ABCA10: variants seen among roughly 807,000 people sequenced by gnomAD.
The protein encoded by ABCA10 is ATP binding cassette subfamily A member 10.
Under a neutral mutation model 187.5 loss-of-function variants are expected in ABCA10, and 169 were observed. The observed-to-expected ratio is 0.90, with a 90% CI of 0.80 to 1.02. The LOEUF (loss-of-function observed/expected upper bound fraction) is 1.02. Among genes scored for constraint, ABCA10 ranks in the 50% least tolerant of loss-of-function variants. ABCA10 has a pLI of 0.00. For synonymous variants in ABCA10, 574 were observed against 601.8 expected, an observed-to-expected ratio of 0.95 and a Z score of 0.68; for missense variants, 1,727 against 1,812.4, an observed-to-expected ratio of 0.95 and a Z score of 0.86.
At chr17:69,159,274 A>G (rs1450571233) in intron 27 of ABCA10, among the ~76,000 whole-genome samples, 1 of 152,098 alleles carries the variant, frequency 6.6e-6, no homozygotes, top group Admixed American at 6.6e-5. Context: ...ACAGAAAGAA[A>G]AATGATGAGC....
intron 27 of ABCA10, among the ~76,000 whole-genome samples, chr17:69,159,277 T>A (rs2074197339): frequency 6.6e-6 from 1 of 151,534 alleles, no homozygotes. Flanking sequence ...GAAAGAAAAA[T>A]GATGAGCAAT....
intron 34 of ABCA10, 103 bp from the exon 35 acceptor site, chr17:69,152,584 G>T: frequency 6.8e-7 from 1 of 1,463,082 alleles, no homozygotes; most frequent in African/African-American, 1.4e-5. Flanking sequence ...ATGTTAGGAT[G>T]CAAGAAACCT....
At chr17:69,160,852 G>A (rs1260626896) in intron 27 of ABCA10, among the ~76,000 whole-genome samples, 1 of 152,024 alleles carries the variant, frequency 6.6e-6, no homozygotes, top group East Asian at 1.9e-4. Flanking sequence ...ACAGTATGGA[G>A]GTTCCTCAAA....
At chr17:69,232,937 T>C (rs1321679079), upstream of ABCA10, 9 of 152,218 alleles carry the variant, frequency 5.9e-5, no homozygotes, top group African/African-American at 2.4e-5. Context: ...GTCAGGTGTA[T>C]TGGAGTTTCC....
chr17:69,207,501 CAATGGATA>C (rs1464627227), intron 9 of ABCA10, among the ~76,000 whole-genome samples: 1 of 151,658 alleles, frequency 6.6e-6, no homozygotes, highest in African/African-American at 2.4e-5. Flanking sequence ...CAGTGTCCAT[CAATGGATA>C]AATGGATAAA....
intron 32 of ABCA10, 129 bp from the exon 33 acceptor site, chr17:69,153,675 C>T: frequency 7.0e-7 from 1 of 1,438,338 alleles, no homozygotes; most frequent in Middle Eastern, 2.5e-4. Context: ...TTCATAAATG[C>T]TAAATCTTAT....
chr17:69,181,788 T>C (rs572605800), intron 22 of ABCA10, among the ~76,000 whole-genome samples: 3 of 152,028 alleles, frequency 2.0e-5, no homozygotes, highest in African/African-American at 7.2e-5. Flanking sequence ...ATGGGTGAGA[T>C]TTTTGTCTAT....
chr17:69,197,328 C>G (rs1178541456), intron 10 of ABCA10, among the ~76,000 whole-genome samples: 1 of 151,146 alleles, frequency 6.6e-6, no homozygotes, highest in African/African-American at 2.4e-5. Flanking sequence ...CTTGGCATTT[C>G]ATATATTCCA....
Position 69,219,790 on chromosome 17 carries a change from A to C in ABCA10, c.304-19T>G. ...TTGTGACCTAAATTGGGACATTAGC[A>C]AATTTATTATGTGAACTATAGACAA... On this transcript the variant is annotated intron_variant, in intron 5 of 38. Coordinates refer to ENST00000690296, the MANE Select transcript of ABCA10 (RefSeq NM_001377321.1). 1 of 1,490,302 alleles carries C rather than the reference A, an allele frequency of 6.7e-7. No individual in the cohort carries two copies. Among genetic ancestry groups the C allele is most frequent in the Non-Finnish European group, 9.1e-7 (1 of 1,103,978 alleles). 92.3% of individuals were successfully genotyped at this position (1,490,302 alleles called of 1,614,324 possible). A position where few individuals can be genotyped will look rare whatever the true frequency, so the allele number is the denominator to read the frequency against.
At chr17:69,192,196 T>C (rs2074465205) in intron 16 of ABCA10, among the ~76,000 whole-genome samples, 1 of 152,128 alleles carries the variant, frequency 6.6e-6, no homozygotes, top group Admixed American at 6.5e-5. Context: ...TGGTGGCGCA[T>C]GCCTGTAATC....
intron 27 of ABCA10, 71 bp from the exon 28 acceptor site, chr17:69,156,994 A>AT (rs35926489): frequency 1.1e-5 from 10 of 931,902 alleles, no homozygotes; most frequent in Admixed American, 3.7e-5. Context: ...ATATTTGTCC[A>AT]TTTTTTTGTC....
chr17:69,212,235 C>A (rs753106203), intron 9 of ABCA10, among the ~76,000 whole-genome samples: 1 of 151,982 alleles, frequency 6.6e-6, no homozygotes, highest in Non-Finnish European at 1.5e-5. Context: ...CATTGTTGAC[C>A]GAACAATCAT....
rs923799118 is a variant in ABCA10 at position 69,228,627 on chromosome 17, G to C, written c.-359C>G. ...GTATTTGAAGCACTTGGATCCACTG[G>C]TCTCTTTTTGTCCAAGAAAACAATG... On this transcript the variant is annotated 5_prime_UTR_variant, in exon 1 of 39. Transcript: ENST00000690296. 6.6e-6 allele frequency: 1 copy of C among 151,890 alleles called. No individual in the cohort carries two copies. The highest frequency in any genetic ancestry group is 1.5e-5 in the Non-Finnish European group (1 of 67,896). The allele number at this position is 151,890 out of a possible 1,614,324, so 9.4% of individuals were successfully genotyped here.
At position 69,184,211 on chromosome 17, in the gene ABCA10, A is replaced by G. The variant is rs77989310; in HGVS notation, c.2497+1266T>C. On this transcript the variant is annotated intron_variant, in intron 20 of 38. Coordinates refer to ENST00000690296, the MANE Select transcript of ABCA10 (RefSeq NM_001377321.1). The stretch of plus-strand genomic sequence containing the variant: ...TGCAAGCCCTGTCCAAGTACAGTCT[A>G]AGCTCAGACGTGCCTAACCCTGCCC... 5.1e-3 allele frequency among the ~76,000 whole-genome samples: 769 copies of G among 152,216 alleles called. 23 individuals carry two copies. In the East Asian group the frequency reaches 0.091, roughly 18 times the overall value.
intron 25 of ABCA10, among the ~76,000 whole-genome samples, chr17:69,168,910 G>C (rs2074274582): frequency 6.6e-6 from 1 of 152,178 alleles, no homozygotes; most frequent in African/African-American, 2.4e-5. Context: ...CCAGCCACAT[G>C]GAACTGTGAG....
At position 69,175,578 on chromosome 17, in the gene ABCA10, T is replaced by C. The variant is rs551270006; in HGVS notation, c.2770-65A>G. 1,183 of 1,264,290 alleles carry C rather than the reference T, an allele frequency of 9.4e-4. 1 individual carries two copies. Among genetic ancestry groups the C allele is most frequent in the Non-Finnish European group, 1.1e-3 (1,049 of 916,636 alleles). 78.3% of individuals were successfully genotyped at this position (1,264,290 alleles called of 1,614,324 possible). A position where few individuals can be genotyped will look rare whatever the true frequency, so the allele number is the denominator to read the frequency against. ...TACAAATTATACAAACATTATAAGA[T>C]ACGTTTCCAGGAAATAAAGAAAAAC... On this transcript the variant is annotated intron_variant, in intron 22 of 38. Transcript: ENST00000690296.
rs747568314 is a variant in ABCA10, at chr17:69,154,243, C to G, written c.3778G>C (p.Ala1260Pro). The change falls in exon 31 of 39, where the codon GCA (alanine) becomes CCA (proline). Residue 1260 changes from alanine to proline, a missense_variant. Ala to Pro is a conservative substitution (Grantham distance 27). Coordinates refer to ENST00000690296, the MANE Select transcript of ABCA10 (RefSeq NM_001377321.1). ...CTTCACATGTCACATACCACTCCTG[C>G]AGTTGGCTTTGTGCACCCAGTTATC... ...KMITGCTKPT[A>P]GVVVLQGSRA... is the part of the protein sequence containing the mutation. The G allele has an allele frequency of 6.8e-6, 11 of 1,609,572 alleles. No individual in the cohort carries two copies. In the East Asian group the frequency reaches 2.5e-4, roughly 36 times the overall value.
At position 69,221,869 on chromosome 17, in the gene ABCA10, T is replaced by C. The variant is rs1369913523; in HGVS notation, c.226A>G (p.Ile76Val). The C allele has an allele frequency of 6.2e-6, 10 of 1,612,874 alleles. No individual in the cohort carries two copies. The East Asian group carries it at 1.8e-4, about 29-fold the overall frequency. Reference sequence around the variant, plus strand: ...CAGTACTTTGCCAAGTAACAAAAAATTTCACCATGCATGGCCCAACAGTGT... The same window carrying C: ...CAGTACTTTGCCAAGTAACAAAAAACTTCACCATGCATGGCCCAACAGTGT... ...TEHCWAMHGE[I>V]FCYLAKYWLK... Residue 76 changes from isoleucine to valine, a missense_variant, in exon 5 of 39, where the codon ATT becomes GTT. By Grantham distance (29) the Ile-to-Val change is conservative. Coordinates refer to ENST00000690296, the MANE Select transcript of ABCA10 (RefSeq NM_001377321.1).
At chr17:69,244,564 G>C (rs1467608172) in exon 1 of ABCA10, 1 of 151,582 alleles carries the variant, frequency 6.6e-6, no homozygotes, top group Non-Finnish European at 1.5e-5. Context: ...TTATTCATCT[G>C]AGAATAAATT....
Sources: gnomAD v4.1 joint callset for allele counts (sites outside exome capture counted in the v4.1 genomes callset) on GRCh38, gnomAD v4.1.1 for gene constraint, MANE v1.5 for transcripts, NCBI Gene and HGNC (gene_info 2026-07-23, HGNC 2026-07-21) for gene names.